The following MYO1C variants were observed in gnomAD, a reference collection of about 807,000 sequenced individuals.
The protein encoded by MYO1C is myosin IC.
MYO1C carries 104 observed loss-of-function variants against 150.8 expected under a neutral mutation model. That is an observed-to-expected ratio of 0.69 (90% CI 0.59 to 0.81). The LOEUF is 0.81. Among genes scored for constraint, MYO1C ranks in the 30% least tolerant of loss-of-function variants. MYO1C has a pLI of 0.00. For missense variants in MYO1C, 1,504 were observed against 1,435.0 expected (o/e 1.05, Z -0.78); for synonymous variants, 663 against 579.9 (o/e 1.14, Z -2.06).
In MYO1C at chr17:1,477,958, T is replaced by C. The variant is rs766958920; in HGVS notation, c.1415A>G (p.Gln472Arg). ...ACAGATGATTTTGTTGTTGAAATAC[T>C]GGACGGGCTCCCACTGAGGGGCAGA... ...EAEGIAWEPV[Q>R]YFNNKIICDL... The change falls in exon 13 of 32, where the codon CAG becomes CGG. Residue 472 changes from glutamine to arginine, a missense_variant. By Grantham distance (43) the Gln-to-Arg change is conservative. Transcript: ENST00000648651. The C allele has an allele frequency of 1.9e-6, 3 of 1,614,058 alleles. No homozygotes were observed. Among genetic ancestry groups the C allele is most frequent in the Non-Finnish European group, 2.5e-6 (3 of 1,180,020 alleles).
intron 1 of MYO1C, among the ~76,000 whole-genome samples, chr17:1,489,368 G>A (rs2074704560): frequency 6.6e-6 from 1 of 152,176 alleles, no homozygotes; most frequent in South Asian, 2.1e-4. Flanking sequence ...CTGCCTGGGG[G>A]GTCCAGCAAA....
chr17:1,467,589 G>C lies in MYO1C; in HGVS notation c.2968-12C>G. 1.2e-6 allele frequency: 2 copies of C among 1,611,600 alleles called. No individual in the cohort carries two copies. The highest frequency in any genetic ancestry group is 2.2e-5 in the South Asian group (2 of 90,934). On this transcript the variant is annotated splice_polypyrimidine_tract_variant and intron_variant, in intron 29 of 31. Coordinates refer to ENST00000648651, the MANE Select transcript of MYO1C (RefSeq NM_001080779.2). ...AGCACCACATCTCCCTGGGGGGCCAGGCAGGAGGAGGGGTCAGGCCCTGCC... is the reference window on the plus strand; with the variant it reads ...AGCACCACATCTCCCTGGGGGGCCACGCAGGAGGAGGGGTCAGGCCCTGCC...
Position 1,475,034 on chromosome 17 carries a change from T to TG in MYO1C, c.1575-3dup, listed in dbSNP as rs2074377210. 1.3e-6 allele frequency: 2 copies of TG among 1,551,354 alleles called. No individual in the cohort carries two copies. Among genetic ancestry groups the TG allele is most frequent in the Non-Finnish European group, 1.7e-6 (2 of 1,147,102 alleles). Reference sequence around the variant, plus strand: ...GTCCGCTGGTCAGCCAGCTTGTGCCTGGGGGTGACAGGGAGGAAGCTGCAG... The same window carrying TG: ...GTCCGCTGGTCAGCCAGCTTGTGCCTGGGGGGTGACAGGGAGGAAGCTGCAG... On this transcript the variant is annotated splice_region_variant and splice_polypyrimidine_tract_variant and intron_variant, in intron 14 of 31. Transcript: ENST00000648651.
Position 1,479,022 on chromosome 17 carries a change from T to G in MYO1C, c.1093-287A>C, listed in dbSNP as rs529106765. On this transcript the variant is annotated intron_variant, in intron 9 of 31. Coordinates refer to ENST00000648651, the MANE Select transcript of MYO1C (RefSeq NM_001080779.2). This position sits in a 1 kb window ranked among gnomAD's most constrained non-coding sequence, Gnocchi z 4.2. Reference sequence around the variant, plus strand: ...ACCCTGGCCAGCTCACTGTGCTGCTTCTTTTTTTTGAGACAGAGTCTAGCT... The same window carrying G: ...ACCCTGGCCAGCTCACTGTGCTGCTGCTTTTTTTTGAGACAGAGTCTAGCT... 3.3e-5 allele frequency among the ~76,000 whole-genome samples: 5 copies of G among 152,274 alleles called. No homozygotes were observed. Among genetic ancestry groups the G allele is most frequent in the Non-Finnish European group, 4.4e-5 (3 of 68,018 alleles).
chr17:1,480,790 G>A lies in MYO1C; in HGVS notation c.723C>T (p.Tyr241=). Residue 241 remains tyrosine, a synonymous_variant, in exon 6 of 32, where the codon TAC becomes TAT. Transcript: ENST00000648651. ...CCTCCTCGCCCCCCTCCAGCAGCTG[G>A]TAGAAGATGTGGAAGTTCCGCTCCC... ...NHGERNFHIF[Y]QLLEGGEEET... 1 of 1,614,158 alleles carries A rather than the reference G, an allele frequency of 6.2e-7. No individual in the cohort carries two copies. Among genetic ancestry groups the A allele is most frequent in the East Asian group, 2.2e-5 (1 of 44,874 alleles).
rs760386803 is a variant in MYO1C, at chr17:1,468,390, G to C, written c.2704+13C>G. ...TGACGAAAGGTCTGAGTGCTGGAAA[G>C]TCAGGGGCTCACCAAGCCGAGTGCT... On this transcript the variant is annotated intron_variant, in intron 26 of 31. Transcript: ENST00000648651. 12 of 1,613,650 alleles carry C rather than the reference G, an allele frequency of 7.4e-6. No individual in the cohort carries two copies. The Admixed American group carries it at 1.8e-4, about 25-fold the overall frequency.
At chr17:1,475,291 C>T (rs1355580399) in intron 14 of MYO1C, among the ~76,000 whole-genome samples, 2 of 152,118 alleles carry the variant, frequency 1.3e-5, no homozygotes, top group African/African-American at 2.4e-5. Context: ...TGGTGGTGGG[C>T]GCCTGTAGTC....
Position 1,484,195 on chromosome 17 carries a change from C to T in MYO1C, c.184G>A (p.Ala62Thr), listed in dbSNP as rs760702315. The change falls in exon 2 of 32, where the codon GCC (alanine) becomes ACC (threonine). Residue 62 changes from alanine to threonine, a missense_variant. Physicochemically the swap from Ala to Thr is moderately conservative, Grantham distance 58 (BLOSUM62 0). Coordinates refer to ENST00000648651, the MANE Select transcript of MYO1C (RefSeq NM_001080779.2). ...VLLENFTSEA[A>T]FIENLRRRFR... Reference sequence around the variant, plus strand: ...CGCCGCCGCAGGTTCTCGATGAAGGCGGCCTCGCTGGTGAAGTTCTCCAGC... The same window carrying T: ...CGCCGCCGCAGGTTCTCGATGAAGGTGGCCTCGCTGGTGAAGTTCTCCAGC... 11 of 1,612,806 alleles carry T rather than the reference C, an allele frequency of 6.8e-6. No homozygotes were observed. Among genetic ancestry groups the T allele is most frequent in the African/African-American group, 4.0e-5 (3 of 74,926 alleles).
In MYO1C at chr17:1,479,908, G is replaced by A. The variant is rs908294528; in HGVS notation, c.907-203C>T. 1.3e-5 allele frequency among the ~76,000 whole-genome samples: 2 copies of A among 152,158 alleles called. No individual in the cohort carries two copies. Among genetic ancestry groups the A allele is most frequent in the Non-Finnish European group, 2.9e-5 (2 of 68,034 alleles). ...CGCCTGTAATCCCAGCACTTTGGGA[G>A]GCTGAGGCGGGAGGATCATCTGAGG... On this transcript the variant is annotated intron_variant, in intron 7 of 31. Coordinates refer to ENST00000648651, the MANE Select transcript of MYO1C (RefSeq NM_001080779.2). This position sits in a 1 kb window ranked among gnomAD's most constrained non-coding sequence, Gnocchi z 4.2.
At chr17:1,467,612 G>T in intron 29 of MYO1C, 35 bp from the exon 30 acceptor site, 1 of 1,600,118 alleles carries the variant, frequency 6.2e-7, no homozygotes, top group Non-Finnish European at 8.5e-7. Flanking sequence ...GTCAGGCCCT[G>T]CCCAGAACTT....
At position 1,465,553 on chromosome 17, in the gene MYO1C, T is replaced by C; in HGVS notation, c.*173A>G. 1.5e-6 allele frequency: 1 copy of C among 683,840 alleles called. No homozygotes were observed. Among genetic ancestry groups the C allele is most frequent in the Non-Finnish European group, 2.2e-6 (1 of 460,966 alleles). 42.4% of individuals were successfully genotyped at this position (683,840 alleles called of 1,614,324 possible). ...CGGCCTGGCCCACTCCTGGGGTAGC[T>C]CCTGGCCCCTGCTGCTCCCTCAAGA... On this transcript the variant is annotated 3_prime_UTR_variant, in exon 32 of 32. Transcript: ENST00000648651.
In MYO1C at chr17:1,478,738, G is replaced by A. The variant is rs113547590; in HGVS notation, c.1093-3C>T. The A allele has an allele frequency of 6.8e-6, 11 of 1,613,794 alleles. No individual in the cohort carries two copies. The highest frequency in any genetic ancestry group is 2.2e-5 in the East Asian group (1 of 44,904). ...TCCAGGTTCAGCGGGCTCAGGAGCT[G>A]TGGACGCAGCGTGAGACAAGGAGAT... On this transcript the variant is annotated splice_polypyrimidine_tract_variant and splice_region_variant and intron_variant, in intron 9 of 31. Transcript: ENST00000648651. The surrounding 1 kb of genome is among the most constrained non-coding windows in gnomAD (Gnocchi z 6.3).
At chr17:1,487,893 C>T (rs571858660) in intron 1 of MYO1C, among the ~76,000 whole-genome samples, 6 of 152,342 alleles carry the variant, frequency 3.9e-5, no homozygotes, top group African/African-American at 1.4e-4. Context: ...TGCACTCCAG[C>T]CTGGGCGACA....
chr17:1,489,208 G>C (rs2074702993), intron 1 of MYO1C, among the ~76,000 whole-genome samples: 1 of 152,226 alleles, frequency 6.6e-6, no homozygotes, highest in South Asian at 2.1e-4. Flanking sequence ...GCCCACCAAG[G>C]ACCGTTCCAG....
In MYO1C at chr17:1,475,012, C is replaced by T. The variant is rs760585824; in HGVS notation, c.1595G>A (p.Arg532Gln). Residue 532 changes from arginine (R) to glutamine (Q), a missense_variant, in exon 15 of 32, where the codon CGG becomes CAG. By Grantham distance (43) the Arg-to-Gln change is conservative (BLOSUM62 1). Transcript: ENST00000648651. ...HFLTHKLADQ[R>Q]TRKSLGRGEF... is the part of the protein sequence containing the mutation. ...CCCTCGGCCCAGAGATTTCCTGGTCCGCTGGTCAGCCAGCTTGTGCCTGGG... is the reference window on the plus strand; with the variant it reads ...CCCTCGGCCCAGAGATTTCCTGGTCTGCTGGTCAGCCAGCTTGTGCCTGGG... 2.3e-5 allele frequency: 35 copies of T among 1,552,664 alleles called. No homozygotes were observed. The East Asian group carries it at 3.7e-4, about 16-fold the overall frequency.
chr17:1,466,548 G>T (rs572610135), intron 31 of MYO1C, among the ~76,000 whole-genome samples: 43 of 151,154 alleles, frequency 2.8e-4, no homozygotes, highest in Middle Eastern at 3.5e-3. Context: ...GGCTGGTTTC[G>T]AACTCCCAAC....
At chr17:1,483,805 A>C in intron 2 of MYO1C, 80 bp from the exon 3 acceptor site, 1 of 1,164,352 alleles carries the variant, frequency 8.6e-7, no homozygotes, top group South Asian at 1.3e-5. Flanking sequence ...GCACTTTGGG[A>C]GGCCAAGGTG....
In MYO1C at chr17:1,480,121, G is replaced by T. The variant is rs532604140; in HGVS notation, c.906+406C>A. On this transcript the variant is annotated intron_variant, in intron 7 of 31. Transcript: ENST00000648651. ...GATCGCACCACTGCACTCCAGCCTG[G>T]GCGAAAGAGCGAGACTCCATCTCAA... Among the ~76,000 whole-genome samples the T allele has an allele frequency of 3.5e-5, 5 of 142,760 alleles. No individual in the cohort carries two copies. In the South Asian group the frequency reaches 1.1e-3, roughly 32 times the overall value. 93.7% of individuals were successfully genotyped at this position (142,760 alleles called of 152,430 possible). A position where few individuals can be genotyped will look rare whatever the true frequency, so the allele number is the denominator to read the frequency against.
chr17:1,473,267 A>C (rs1199366144), intron 17 of MYO1C, among the ~76,000 whole-genome samples: 1 of 152,094 alleles, frequency 6.6e-6, no homozygotes, highest in Non-Finnish European at 1.5e-5. Flanking sequence ...TGGGTCAAAG[A>C]AGGAGAAAGC....
Sources: allele counts gnomAD v4.1 joint callset (sites outside exome capture counted in the v4.1 genomes callset), GRCh38; gene constraint gnomAD v4.1.1; non-coding constraint Gnocchi (gnomAD v3.1); transcripts MANE v1.5; gene names NCBI Gene and HGNC (gene_info 2026-07-23, HGNC 2026-07-21).